The following TMEM161A variants were observed in gnomAD, a reference collection of about 807,000 sequenced individuals.
The protein encoded by TMEM161A is adaptive response to oxidative stress protein 29.
In TMEM161A, 46 loss-of-function variants were observed where a neutral mutation model predicts 57.1. That is an observed-to-expected ratio of 0.81 (90% CI 0.64 to 1.03). The LOEUF (loss-of-function observed/expected upper bound fraction) is 1.03. Ranked by LOEUF, TMEM161A falls within the 50% of genes least tolerant of loss-of-function variation. The probability of loss-of-function intolerance (pLI) is 0.00; values close to 1 mark genes in which losing one functional copy is unlikely to be tolerated. For synonymous variants in TMEM161A, 288 were observed against 279.0 expected (o/e 1.03, Z -0.32); for missense variants, 601 against 621.5 (o/e 0.97, Z 0.35).
In TMEM161A at chr19:19,132,476, C is replaced by T. The variant is rs1346655549; in HGVS notation, c.319G>A (p.Val107Met). ...LRFFLEYQWF[V>M]DFAVYSGGVY... is the part of the protein sequence containing the mutation. ...CCGCCCGAGTACACAGCAAAGTCCA[C>T]AAACCACTGGTACTCCAGGAAGAAG... Residue 107 changes from valine (V) to methionine (M), a missense_variant, in exon 5 of 12, where the codon GTG (valine) becomes ATG (methionine). Coordinates refer to ENST00000162044, the MANE Select transcript of TMEM161A (RefSeq NM_017814.3). The surrounding 1 kb of genome is among the most constrained non-coding windows in gnomAD (Gnocchi z 4.3). 6.2e-7 allele frequency: 1 copy of T among 1,614,034 alleles called. No individual in the cohort carries two copies. The highest frequency in any genetic ancestry group is 8.5e-7 in the Non-Finnish European group (1 of 1,180,002).
intron 6 of TMEM161A, among the ~76,000 whole-genome samples, chr19:19,128,228 CTTTTTTT>C (rs531458159): frequency 3.3e-5 from 4 of 120,766 alleles, no homozygotes; most frequent in Admixed American, 2.6e-4. Flanking sequence ...TCTAAATAGA[CTTTTTTT>C]TTTTTTTTTT....
intron 6 of TMEM161A, among the ~76,000 whole-genome samples, chr19:19,129,143 C>T (rs1229421935): frequency 1.3e-5 from 2 of 152,164 alleles, no homozygotes; most frequent in Non-Finnish European, 2.9e-5. Context: ...GATCTTGATT[C>T]ATTTAAACCT....
At chr19:19,133,008 G>A (rs1056032815) in intron 3 of TMEM161A, 122 bp downstream of exon 3, 69 of 889,784 alleles carry the variant, frequency 7.8e-5, no homozygotes, top group Non-Finnish European at 9.3e-5. Context: ...CCAGATCAGC[G>A]CCTGGAAGTA....
intron 2 of TMEM161A, 73 bp downstream of exon 2, chr19:19,134,711 G>C: frequency 1.8e-6 from 2 of 1,139,682 alleles, no homozygotes; most frequent in African/African-American, 1.5e-5. Flanking sequence ...TTTGCAATTT[G>C]TGAGGCGGGG....
At chr19:19,124,870 G>A (rs184475957) in intron 6 of TMEM161A, among the ~76,000 whole-genome samples, 1 of 152,172 alleles carries the variant, frequency 6.6e-6, no homozygotes, top group African/African-American at 2.4e-5. Flanking sequence ...CAGAAGAATT[G>A]CTTGAACCCA....
chr19:19,127,452 T>C (rs2059936162), intron 6 of TMEM161A, among the ~76,000 whole-genome samples: 1 of 151,448 alleles, frequency 6.6e-6, no homozygotes, highest in South Asian at 2.1e-4. Context: ...CCCGAGTAGC[T>C]GGGACTACAG....
In TMEM161A at chr19:19,121,035, C is replaced by T. The variant is rs755906607; in HGVS notation, c.1046G>A (p.Arg349Gln). 5.0e-6 allele frequency: 8 copies of T among 1,610,592 alleles called. No individual in the cohort carries two copies. The Admixed American group carries it at 1.2e-4, about 24-fold the overall frequency. Residue 349 changes from arginine (R) to glutamine (Q), a missense_variant, in exon 10 of 12, where the codon CGA becomes CAA. Coordinates refer to ENST00000162044, the MANE Select transcript of TMEM161A (RefSeq NM_017814.3). The surrounding 1 kb of genome is among the most constrained non-coding windows in gnomAD (Gnocchi z 5.8). The part of the protein sequence containing the change: ...CLAKARVEQL[R>Q]REAGRIEARE... The stretch of plus-strand genomic sequence containing the variant: ...GGCTTCGATGCGGCCAGCCTCCCTT[C>T]GCAGCTGCTCCACCCGGGCCTTGGC...
intron 6 of TMEM161A, among the ~76,000 whole-genome samples, chr19:19,127,624 G>A (rs988062990): frequency 1.3e-5 from 2 of 151,958 alleles, no homozygotes; most frequent in East Asian, 3.9e-4. Context: ...GCCTGGCAGT[G>A]TTCAGTCTTA....
chr19:19,126,164 C>CA lies in TMEM161A; in HGVS notation c.595+3991dup, dbSNP rs11297146. Among the ~76,000 whole-genome samples, 600 of 134,682 alleles carry CA rather than the reference C, an allele frequency of 4.5e-3. 6 individuals carry two copies. Among genetic ancestry groups the CA allele is most frequent in the Non-Finnish European group, 4.1e-3 (251 of 61,824 alleles). 88.4% of individuals were successfully genotyped at this position (134,682 alleles called of 152,430 possible). Reference sequence around the variant, plus strand: ...TGGGGGAAAGAGCGAGACTCTGTCTCAAAAAAAAAAAAAAAGACAATGTAG... The same window carrying CA: ...TGGGGGAAAGAGCGAGACTCTGTCTCAAAAAAAAAAAAAAAAGACAATGTAG... On this transcript the variant is annotated intron_variant, in intron 6 of 11. Transcript: ENST00000162044.
intron 11 of TMEM161A, among the ~76,000 whole-genome samples, chr19:19,120,399 A>G (rs559777712): frequency 2.0e-5 from 3 of 148,876 alleles, no homozygotes; most frequent in African/African-American, 7.5e-5. Context: ...GCCTCAATAC[A>G]TGCCCTGCCC....
In TMEM161A at chr19:19,132,561, A is replaced by G; in HGVS notation, c.287-53T>C. On this transcript the variant is annotated intron_variant, in intron 4 of 11. Transcript: ENST00000162044. The surrounding 1 kb of genome is among the most constrained non-coding windows in gnomAD (Gnocchi z 4.3). ...GGGCCCAGCTCGCTCCCCTCCTAAT[A>G]GAACATTCTTCCTTCAAATCCTCCC... 6.3e-7 allele frequency: 1 copy of G among 1,588,358 alleles called. No individual in the cohort carries two copies. The highest frequency in any genetic ancestry group is 1.2e-5 in the South Asian group (1 of 86,882).
At chr19:19,137,553 G>T (rs1203644279) in intron 1 of TMEM161A, among the ~76,000 whole-genome samples, 1 of 152,188 alleles carries the variant, frequency 6.6e-6, no homozygotes, top group Non-Finnish European at 1.5e-5. Flanking sequence ...CAAGAACCCT[G>T]ATAAAATCAA....
chr19:19,135,300 T>C (rs1243401898), intron 1 of TMEM161A, among the ~76,000 whole-genome samples: 2 of 146,462 alleles, frequency 1.4e-5, no homozygotes, highest in South Asian at 4.5e-4. Flanking sequence ...TGAAAGCGGC[T>C]CCCACCGCCT....
At chr19:19,120,515 C>A (rs2059903655) in intron 11 of TMEM161A, among the ~76,000 whole-genome samples, 1 of 151,372 alleles carries the variant, frequency 6.6e-6, no homozygotes, top group South Asian at 2.1e-4. Flanking sequence ...CCTGCCTCAC[C>A]ACAGTCCCCG....
At position 19,121,003 on chromosome 19, in the gene TMEM161A, T is replaced by C. The variant is rs765383858; in HGVS notation, c.1078A>G (p.Ile360Val). 4 of 1,607,108 alleles carry C rather than the reference T, an allele frequency of 2.5e-6. No individual in the cohort carries two copies. Among genetic ancestry groups the C allele is most frequent in the Non-Finnish European group, 3.4e-6 (4 of 1,176,252 alleles). The stretch of plus-strand genomic sequence containing the variant: ...CGGGGCGTCCATACCCTCTGCTGGA[T>C]TTCACGGGCTTCGATGCGGCCAGCC... ...REAGRIEARE[I>V]QQRVVRVYCY... The change falls in exon 10 of 12, where the codon ATC becomes GTC. Residue 360 changes from isoleucine to valine, a missense_variant. Ile to Val is a conservative substitution (Grantham distance 29). Transcript: ENST00000162044. This position sits in a 1 kb window ranked among gnomAD's most constrained non-coding sequence, Gnocchi z 5.8.
intron 6 of TMEM161A, among the ~76,000 whole-genome samples, chr19:19,128,267 T>C (rs866956811): frequency 6.7e-6 from 1 of 149,614 alleles, no homozygotes; most frequent in Non-Finnish European, 1.5e-5. Context: ...ACTCTTGCTC[T>C]GTCGCCCAGG....
In TMEM161A at chr19:19,132,923, G is replaced by T; in HGVS notation, c.189-169C>A. ...CCACCCACCCACAGGACTGGCTAGAGCAAACTGCCAGGAAACAGATGCTAA... is the reference window on the plus strand; with the variant it reads ...CCACCCACCCACAGGACTGGCTAGATCAAACTGCCAGGAAACAGATGCTAA... On this transcript the variant is annotated intron_variant, in intron 3 of 11. Coordinates refer to ENST00000162044, the MANE Select transcript of TMEM161A (RefSeq NM_017814.3). The surrounding 1 kb of genome is among the most constrained non-coding windows in gnomAD (Gnocchi z 4.3). 1.4e-6 allele frequency: 1 copy of T among 725,318 alleles called. No individual in the cohort carries two copies. Among genetic ancestry groups the T allele is most frequent in the Non-Finnish European group, 2.2e-6 (1 of 446,716 alleles). The allele number at this position is 725,318 out of a possible 1,614,324, so 44.9% of individuals were successfully genotyped here.
rs1214222058 is a variant in TMEM161A, at chr19:19,120,829, C to A, written c.1122G>T (p.Val374=). ...TGAGCGGCGTCAGGTACTGCAAGCT[C>A]ACCACGGTCACATAGCAGTAGACTC... The part of the protein sequence containing the change: ...VVRVYCYVTV[V]SLQYLTPLIL... The change falls in exon 11 of 12, where the codon GTG becomes GTT. Residue 374 remains valine, a synonymous_variant. Transcript: ENST00000162044. 6.2e-7 allele frequency: 1 copy of A among 1,613,468 alleles called. No homozygotes were observed. Among genetic ancestry groups the A allele is most frequent in the Admixed American group, 1.7e-5 (1 of 60,028 alleles).
At chr19:19,130,422 C>T (rs1475765668) in intron 5 of TMEM161A, 115 bp from the exon 6 acceptor site, 5 of 1,366,552 alleles carry the variant, frequency 3.7e-6, no homozygotes, top group East Asian at 2.3e-5. Context: ...ACAAATAGGC[C>T]TTGGGGATGA....
Sources: allele counts gnomAD v4.1 joint callset (sites outside exome capture counted in the v4.1 genomes callset), GRCh38; gene constraint gnomAD v4.1.1; non-coding constraint Gnocchi (gnomAD v3.1); transcripts MANE v1.5; gene names NCBI Gene and HGNC (gene_info 2026-07-23, HGNC 2026-07-21).